The following ABI3BP variants were observed in gnomAD, a reference collection of about 807,000 sequenced individuals.
ABI3BP encodes the protein ABI family member 3 binding protein.
ABI3BP carries 216 observed loss-of-function variants against 268.6 expected under a neutral mutation model. The ratio of observed to expected loss-of-function variants is 0.80; its 90% CI spans 0.72 to 0.90. The LOEUF (loss-of-function observed/expected upper bound fraction) is 0.90. Among genes scored for constraint, ABI3BP ranks in the 40% least tolerant of loss-of-function variants. The pLI is 0.00. For synonymous variants in ABI3BP, 730 were observed against 730.0 expected, an observed-to-expected ratio of 1.00 and a Z score of 0.00; for missense variants, 2,090 against 2,182.4, an observed-to-expected ratio of 0.96 and a Z score of 0.84.
At chr3:100,774,566 G>C (rs777762089) in intron 61 of ABI3BP, 39 bp downstream of exon 61, 1 of 1,483,724 alleles carries the variant, frequency 6.7e-7, no homozygotes. Context: ...ACCAAAAATG[G>C]CCTTTTCAAA....
intron 1 of ABI3BP, among the ~76,000 whole-genome samples, chr3:100,956,947 C>T (rs1052826375): frequency 2.2e-4 from 34 of 152,204 alleles, no homozygotes; most frequent in African/African-American, 7.9e-4. Context: ...GGTAACTGGG[C>T]TGGATGGATA....
At chr3:100,966,488 T>G (rs982626137) in intron 1 of ABI3BP, among the ~76,000 whole-genome samples, 12 of 152,174 alleles carry the variant, frequency 7.9e-5, no homozygotes, top group Admixed American at 3.9e-4. Context: ...GTATTTACTA[T>G]CCAGTCTTTT....
chr3:100,902,642 G>C lies in ABI3BP; in HGVS notation c.304C>G (p.Pro102Ala), dbSNP rs2050987793. 2 of 1,613,938 alleles carry C rather than the reference G, an allele frequency of 1.2e-6. No individual in the cohort carries two copies. The highest frequency in any genetic ancestry group is 1.7e-5 in the Admixed American group (1 of 60,024). Reference protein sequence around the residue: ...YLIVVRPAPPPSQKKSCSGKT... With the variant: ...YLIVVRPAPPASQKKSCSGKT... Reference sequence around the variant, plus strand: ...CCTGAACATGACTTCTTTTGACTTGGAGGTGGAGCAGGTCGCACAACTATC... The same window carrying C: ...CCTGAACATGACTTCTTTTGACTTGCAGGTGGAGCAGGTCGCACAACTATC... Residue 102 changes from proline to alanine, a missense_variant, in exon 3 of 68, where the codon CCA becomes GCA. Physicochemically the swap from Pro to Ala is conservative, Grantham distance 27. Transcript: ENST00000471714.
At chr3:100,907,460 C>T (rs2153532717) in intron 2 of ABI3BP, among the ~76,000 whole-genome samples, 1 of 152,254 alleles carries the variant, frequency 6.6e-6, no homozygotes, top group African/African-American at 2.4e-5. Flanking sequence ...CACCACTGTA[C>T]TTCAGCCTGG....
intron 51 of ABI3BP, among the ~76,000 whole-genome samples, chr3:100,798,478 A>T (rs2097423326): frequency 6.6e-6 from 1 of 152,026 alleles, no homozygotes; most frequent in Admixed American, 6.6e-5. Flanking sequence ...TACATCTTTC[A>T]TGCTGGGAGA....
intron 4 of ABI3BP, among the ~76,000 whole-genome samples, chr3:100,896,820 T>G (rs2047934222): frequency 6.6e-6 from 1 of 152,218 alleles, no homozygotes; most frequent in South Asian, 2.1e-4. Context: ...AAATAAAAAG[T>G]ATTTCAGATT....
rs183943416 is a variant in ABI3BP at position 100,855,955 on chromosome 3, T to C, written c.1286-4015A>G. The stretch of plus-strand genomic sequence containing the variant: ...ATATTGCCTGCAAGAAAATATTCAT[T>C]AAAATGTTCATGAAATAAAATTAAA... On this transcript the variant is annotated intron_variant, in intron 14 of 67. Coordinates refer to ENST00000471714, the MANE Select transcript of ABI3BP (RefSeq NM_001375547.2). Among the ~76,000 whole-genome samples the C allele has an allele frequency of 2.1e-4, 32 of 152,068 alleles. 1 individual carries two copies. Among genetic ancestry groups the C allele is most frequent in the Admixed American group, 1.3e-3 (20 of 15,288 alleles).
intron 1 of ABI3BP, among the ~76,000 whole-genome samples, chr3:100,984,186 T>G (rs1562297439): frequency 2.0e-5 from 3 of 151,966 alleles, no homozygotes; most frequent in African/African-American, 7.3e-5. Context: ...TTAAAATAAA[T>G]TTGTTGGGGA....
chr3:100,883,035 A>G (rs2040187783), intron 6 of ABI3BP, among the ~76,000 whole-genome samples: 2 of 152,154 alleles, frequency 1.3e-5, no homozygotes, highest in African/African-American at 4.8e-5. Context: ...TTTAAGAGAC[A>G]AAGATGAAGG....
intron 63 of ABI3BP, among the ~76,000 whole-genome samples, chr3:100,763,482 AAAG>A (rs2096093145): frequency 6.6e-6 from 1 of 151,412 alleles, no homozygotes; most frequent in Non-Finnish European, 1.5e-5. Context: ...AAAAAAGAAA[AAAG>A]AAAAAATCTA....
At chr3:100,771,445 TATA>T (rs372991177) in intron 61 of ABI3BP, among the ~76,000 whole-genome samples, 3 of 151,904 alleles carry the variant, frequency 2.0e-5, no homozygotes, top group African/African-American at 7.2e-5. Context: ...AAATATTACC[TATA>T]ATAAGGAGAA....
chr3:100,961,460 CA>C (rs1261100606), intron 1 of ABI3BP, among the ~76,000 whole-genome samples: 1 of 152,132 alleles, frequency 6.6e-6, no homozygotes, highest in African/African-American at 2.4e-5. Flanking sequence ...AAAGAAATGA[CA>C]GCATGAGAGG....
chr3:100,854,549 G>C (rs1224696674), intron 14 of ABI3BP, among the ~76,000 whole-genome samples: 2 of 152,182 alleles, frequency 1.3e-5, no homozygotes, highest in Non-Finnish European at 2.9e-5. Flanking sequence ...AAATTGATAA[G>C]TAGCCAAGAG....
intron 6 of ABI3BP, among the ~76,000 whole-genome samples, chr3:100,882,015 C>T (rs1468224115): frequency 6.6e-6 from 1 of 152,026 alleles, no homozygotes; most frequent in African/African-American, 2.4e-5. Context: ...AAATTTTTGA[C>T]CTAAAATTTA....
chr3:100,985,339 C>A (rs1332482837), intron 1 of ABI3BP, among the ~76,000 whole-genome samples: 1 of 151,462 alleles, frequency 6.6e-6, no homozygotes, highest in East Asian at 1.9e-4. Flanking sequence ...TTAGTAGAGA[C>A]AGGGTTTCAC....
At chr3:100,990,557 T>C (rs1420488923) in intron 1 of ABI3BP, among the ~76,000 whole-genome samples, 1 of 148,692 alleles carries the variant, frequency 6.7e-6, no homozygotes, top group Non-Finnish European at 1.5e-5. Context: ...TATAAATAAC[T>C]ATATATGGTT....
At chr3:100,888,621 G>T (rs761202598) in intron 4 of ABI3BP, among the ~76,000 whole-genome samples, 18 of 151,996 alleles carry the variant, frequency 1.2e-4, no homozygotes, top group Non-Finnish European at 2.4e-4. Flanking sequence ...ACTTCACCAT[G>T]GTTTAAAAAT....
Position 100,993,410 on chromosome 3 carries a change from A to C in ABI3BP, c.-26T>G, listed in dbSNP as rs1422343086. The C allele has an allele frequency of 3.2e-6, 5 of 1,547,270 alleles. No individual in the cohort carries two copies. The highest frequency in any genetic ancestry group is 4.4e-6 in the Non-Finnish European group (5 of 1,143,196). ...GTTGCATTTGCCACCTCGCATGGGG[A>C]ATGATGCTGGTGGGTGCCTCGCAAC... On this transcript the variant is annotated 5_prime_UTR_variant, in exon 1 of 68. It adds an upstream start codon to the 5' untranslated region. Coordinates refer to ENST00000471714, the MANE Select transcript of ABI3BP (RefSeq NM_001375547.2).
rs2098426563 is a variant in ABI3BP, at chr3:100,828,429, C to G, written c.2566G>C (p.Val856Leu). The change falls in exon 34 of 68, where the codon GTT (valine) becomes CTT (leucine). Residue 856 changes from valine to leucine, a missense_variant. Coordinates refer to ENST00000471714, the MANE Select transcript of ABI3BP (RefSeq NM_001375547.2). ...CCTGGAGCCTCTTTTATAGGAGAAACTGGTTCAAAGATTGTAGCAGGAACT... is the reference window on the plus strand; with the variant it reads ...CCTGGAGCCTCTTTTATAGGAGAAAGTGGTTCAAAGATTGTAGCAGGAACT... ...ELVPATIFEP[V>L]SPIKEAPGTT... 2 of 1,535,274 alleles carry G rather than the reference C, an allele frequency of 1.3e-6. No individual in the cohort carries two copies. Among genetic ancestry groups the G allele is most frequent in the East Asian group, 4.9e-5 (2 of 40,898 alleles).
Sources: allele counts gnomAD v4.1 joint callset (sites outside exome capture counted in the v4.1 genomes callset), GRCh38; gene constraint gnomAD v4.1.1; transcripts MANE v1.5; gene names NCBI Gene and HGNC (gene_info 2026-07-23, HGNC 2026-07-21).